The following SGCZ variants were observed in gnomAD, a reference collection of about 807,000 sequenced individuals.
SGCZ encodes the protein sarcoglycan zeta.
Under a neutral mutation model 41.3 loss-of-function variants are expected in SGCZ, and 40 were observed. That is an observed-to-expected ratio of 0.97 (90% CI 0.75 to 1.26). The LOEUF (loss-of-function observed/expected upper bound fraction) is 1.26. SGCZ is among the 50% of genes most tolerant of loss of function. The pLI, the probability that SGCZ is intolerant of heterozygous loss-of-function variation, is 0.00. For synonymous variants in SGCZ, 206 were observed against 137.5 expected, an observed-to-expected ratio of 1.50 and a Z score of -3.49; for missense variants, 552 against 369.8, an observed-to-expected ratio of 1.49 and a Z score of -4.04.
At chr8:15,010,456 C>T (rs1021936444) in intron 1 of SGCZ, among the ~76,000 whole-genome samples, 1 of 152,060 alleles carries the variant, frequency 6.6e-6, no homozygotes, top group African/African-American at 2.4e-5. Context: ...AAGCCAGCAG[C>T]ATTTATTTAT....
At chr8:14,129,643 AAGAAG>A (rs1478337855) in intron 5 of SGCZ, among the ~76,000 whole-genome samples, 4 of 152,062 alleles carry the variant, frequency 2.6e-5, no homozygotes, top group African/African-American at 7.2e-5. Flanking sequence ...TTATACCTTG[AAGAAG>A]AGAAGAGAAA....
intron 1 of SGCZ, among the ~76,000 whole-genome samples, chr8:15,138,790 AGTAATATAGACAGCTAAGATAAAAAT>A (rs1199515404): frequency 6.6e-6 from 1 of 152,234 alleles, no homozygotes; most frequent in African/African-American, 2.4e-5. Flanking sequence ...GTGAGAAGAT[AGTAATATAGACAGCTAAGATAAAAAT>A]GTTTAAACCA....
At chr8:14,968,814 T>C (rs1801200142) in intron 1 of SGCZ, among the ~76,000 whole-genome samples, 1 of 152,150 alleles carries the variant, frequency 6.6e-6, no homozygotes, top group Non-Finnish European at 1.5e-5. Flanking sequence ...GTGTATACAC[T>C]ATCGGTAACA....
At chr8:14,184,659 C>T (rs1804845960) in intron 4 of SGCZ, among the ~76,000 whole-genome samples, 1 of 152,156 alleles carries the variant, frequency 6.6e-6, no homozygotes, top group Non-Finnish European at 1.5e-5. Flanking sequence ...CTCAAAAGTA[C>T]ATTATTTAAA....
chr8:14,929,966 T>C (rs1446876390), intron 1 of SGCZ, among the ~76,000 whole-genome samples: 2 of 152,010 alleles, frequency 1.3e-5, no homozygotes, highest in African/African-American at 4.8e-5. Context: ...ACTTGGATGT[T>C]CAGTACAATT....
At chr8:14,886,893 C>T (rs1342919244) in intron 1 of SGCZ, among the ~76,000 whole-genome samples, 1 of 152,100 alleles carries the variant, frequency 6.6e-6, no homozygotes, top group Non-Finnish European at 1.5e-5. Flanking sequence ...GAAGTAACGG[C>T]ATAATGACCT....
At chr8:14,625,157 T>A (rs6989771) in intron 1 of SGCZ, among the ~76,000 whole-genome samples, 1 of 151,846 alleles carries the variant, frequency 6.6e-6, no homozygotes, top group African/African-American at 2.4e-5. Flanking sequence ...ATTTGCTCAC[T>A]GTGTTCAGTG....
At chr8:14,924,690 T>C (rs1164908068) in intron 1 of SGCZ, among the ~76,000 whole-genome samples, 2 of 152,124 alleles carry the variant, frequency 1.3e-5, no homozygotes, top group South Asian at 2.1e-4. Flanking sequence ...TTCAGAAAGA[T>C]AGTAATTAGA....
chr8:14,899,123 G>A (rs1239657830), intron 1 of SGCZ, among the ~76,000 whole-genome samples: 1 of 151,922 alleles, frequency 6.6e-6, no homozygotes, highest in Non-Finnish European at 1.5e-5. Context: ...CATAATAGCT[G>A]CCTTGATCAT....
intron 1 of SGCZ, among the ~76,000 whole-genome samples, chr8:14,940,228 T>C (rs1160959935): frequency 6.6e-6 from 1 of 152,140 alleles, no homozygotes; most frequent in Non-Finnish European, 1.5e-5. Flanking sequence ...TGAAATTTTA[T>C]AAATTACATA....
At chr8:14,632,984 T>C (rs1470371773) in intron 1 of SGCZ, among the ~76,000 whole-genome samples, 1 of 151,842 alleles carries the variant, frequency 6.6e-6, no homozygotes, top group African/African-American at 2.4e-5. Context: ...ATTATATATA[T>C]ATATTATTTT....
At chr8:14,410,761 G>C (rs530134112) in intron 2 of SGCZ, among the ~76,000 whole-genome samples, 1 of 152,106 alleles carries the variant, frequency 6.6e-6, no homozygotes, top group Non-Finnish European at 1.5e-5. Context: ...ATGTATCCTA[G>C]AACTTAAAGT....
chr8:14,883,371 G>T lies in SGCZ; in HGVS notation c.40-328445C>A, dbSNP rs116341886. 8.5e-3 allele frequency among the ~76,000 whole-genome samples: 1,294 copies of T among 152,084 alleles called. 13 individuals carry two copies. The highest frequency in any genetic ancestry group is 0.029 in the African/African-American group (1,215 of 41,474). ...TCCAGGGCAAGAGCCTGAAGAGAAG[G>T]CAAGACTCTATGCTCACATATCTAC... On this transcript the variant is annotated intron_variant, in intron 1 of 7. Coordinates refer to ENST00000382080, the MANE Select transcript of SGCZ (RefSeq NM_139167.4).
chr8:14,572,025 A>C (rs746425061), intron 1 of SGCZ, among the ~76,000 whole-genome samples: 4 of 152,198 alleles, frequency 2.6e-5, no homozygotes, highest in African/African-American at 4.8e-5. Flanking sequence ...AAGAGTGAAA[A>C]TCCACATATT....
At chr8:15,016,180 C>T (rs773905366) in intron 1 of SGCZ, among the ~76,000 whole-genome samples, 4 of 152,138 alleles carry the variant, frequency 2.6e-5, no homozygotes, top group Non-Finnish European at 5.9e-5. Flanking sequence ...CCTCTGGAAG[C>T]GCCTTACATG....
At chr8:14,528,411 A>G (rs1409831888) in intron 2 of SGCZ, among the ~76,000 whole-genome samples, 3 of 151,986 alleles carry the variant, frequency 2.0e-5, no homozygotes, top group Admixed American at 6.6e-5. Flanking sequence ...ACTCCAGATT[A>G]CTCCTCTCTT....
chr8:14,834,248 A>G (rs1041872606), intron 1 of SGCZ, among the ~76,000 whole-genome samples: 21 of 152,120 alleles, frequency 1.4e-4, no homozygotes, highest in African/African-American at 5.1e-4. Flanking sequence ...AATAGATTCT[A>G]TGGATTTATA....
chr8:15,012,658 T>TAATATA (rs372709670), intron 1 of SGCZ, among the ~76,000 whole-genome samples: 5 of 131,062 alleles, frequency 3.8e-5, no homozygotes, highest in African/African-American at 1.4e-4. Flanking sequence ...ATATAATATA[T>TAATATA]AATATATATT....
At chr8:14,128,046 G>C (rs1455372765) in intron 5 of SGCZ, among the ~76,000 whole-genome samples, 2 of 152,070 alleles carry the variant, frequency 1.3e-5, no homozygotes, top group Non-Finnish European at 1.5e-5. Context: ...TCCTGTGTTA[G>C]TTTGCTAAGG....
Sources: allele counts gnomAD v4.1 joint callset (sites outside exome capture counted in the v4.1 genomes callset), GRCh38; gene constraint gnomAD v4.1.1; transcripts MANE v1.5; gene names NCBI Gene and HGNC (gene_info 2026-07-23, HGNC 2026-07-21).